The following MOK variants were observed in gnomAD, a reference collection of about 807,000 sequenced individuals.
MOK encodes the protein MAPK/MAK/MRK overlapping kinase.
MOK carries 59 observed loss-of-function variants against 54.2 expected under a neutral mutation model. That is an observed-to-expected ratio of 1.09 (90% CI 0.88 to 1.35). MOK has a LOEUF of 1.35. Ranked by LOEUF, MOK falls within the 40% of genes most tolerant of loss-of-function variation. MOK has a pLI of 0.00. For missense variants in MOK, 517 were observed against 526.2 expected, an observed-to-expected ratio of 0.98 and a Z score of 0.17; for synonymous variants, 210 against 202.7, an observed-to-expected ratio of 1.04 and a Z score of -0.31.
intron 4 of MOK, among the ~76,000 whole-genome samples, chr14:102,261,456 T>TATATATATATTC (rs2067458912): frequency 9.6e-6 from 1 of 104,002 alleles, no homozygotes; most frequent in Non-Finnish European, 1.9e-5. Flanking sequence ...TATATATATA[T>TATATATATATTC]ATTCTAAACA....
rs978275690 is a variant in MOK at position 102,232,324 on chromosome 14, G to A, written c.866+211C>T. ...ACAGCCAGCCCCTCTTTCTCCTGCC[G>A]TGGAGCTGCTAACATCCTCATTTTG... On this transcript the variant is annotated intron_variant, in intron 9 of 11. Coordinates refer to ENST00000361847, the MANE Select transcript of MOK (RefSeq NM_014226.3). This position sits in a 1 kb window ranked among gnomAD's most constrained non-coding sequence, Gnocchi z 5.1. The A allele has an allele frequency of 1.3e-4, 66 of 499,192 alleles. No homozygotes were observed. The highest frequency in any genetic ancestry group is 1.2e-3 in the African/African-American group (64 of 51,372). The allele number at this position is 499,192 out of a possible 1,614,324, so 30.9% of individuals were successfully genotyped here. A position where few individuals can be genotyped will look rare whatever the true frequency, so the allele number is the denominator to read the frequency against.
At chr14:102,226,508 G>T, downstream of MOK, 1 of 696,702 alleles carries the variant, frequency 1.4e-6, no homozygotes, top group African/African-American at 1.8e-5. This position sits in a 1 kb window ranked among gnomAD's most constrained non-coding sequence, Gnocchi z 4.8. Context: ...GGTGGCAGAG[G>T]CCCCGCCGGG....
chr14:102,222,999 G>A (rs920780741), downstream of MOK: 27 of 1,263,448 alleles, frequency 2.1e-5, no homozygotes, highest in South Asian at 1.9e-4. This position sits in a 1 kb window ranked among gnomAD's most constrained non-coding sequence, Gnocchi z 4.4. Flanking sequence ...GGTGGACGTC[G>A]GCGATAGCCG....
intron 7 of MOK, among the ~76,000 whole-genome samples, chr14:102,248,117 A>G (rs1445051900): frequency 6.6e-6 from 1 of 152,182 alleles, no homozygotes; most frequent in Non-Finnish European, 1.5e-5. Context: ...CCAGACGCCA[A>G]CGGCGCCCCT....
At chr14:102,263,839 G>C (rs2067669563) in intron 3 of MOK, 2 of 405,036 alleles carry the variant, frequency 4.9e-6, no homozygotes, top group Non-Finnish European at 8.7e-6. Flanking sequence ...CAAAATTCTA[G>C]AAGTTGAAAA....
At chr14:102,225,116 AGTG>A, downstream of MOK, 1 of 277,090 alleles carries the variant, frequency 3.6e-6, no homozygotes, top group South Asian at 3.6e-5. Context: ...GCTGGAATGA[AGTG>A]GTGCGATCAT....
chr14:102,222,738 T>G (rs574660401), downstream of MOK: 3 of 1,408,656 alleles, frequency 2.1e-6, no homozygotes, highest in African/African-American at 1.4e-5. The surrounding 1 kb of genome is among the most constrained non-coding windows in gnomAD (Gnocchi z 4.4). Flanking sequence ...AGCACCAGTT[T>G]TGACCACGTG....
chr14:102,302,814 T>G lies in MOK; in HGVS notation c.7+2148A>C, dbSNP rs573590221. Among the ~76,000 whole-genome samples, 9 of 151,388 alleles carry G rather than the reference T, an allele frequency of 5.9e-5. No homozygotes were observed. In the East Asian group the frequency reaches 1.7e-3, roughly 29 times the overall value. On this transcript the variant is annotated intron_variant, in intron 1 of 11. Coordinates refer to ENST00000361847, the MANE Select transcript of MOK (RefSeq NM_014226.3). ...CATTTATATATTTATATATAATATA[T>G]ATAGAGAGAGTAAATTACTGAAAGT...
intron 7 of MOK, among the ~76,000 whole-genome samples, chr14:102,242,167 C>T (rs1410902523): frequency 3.3e-5 from 5 of 152,180 alleles, no homozygotes; most frequent in Admixed American, 3.3e-4. Flanking sequence ...GTAACTCTTA[C>T]AGTGGAGGGT....
At chr14:102,283,402 C>T (rs1290485297) in intron 2 of MOK, 76 bp downstream of exon 2, 2 of 853,870 alleles carry the variant, frequency 2.3e-6, no homozygotes, top group East Asian at 2.5e-5. Flanking sequence ...AATAAAGCTC[C>T]CCCCTAATAT....
chr14:102,268,201 A>G (rs2068064412), intron 2 of MOK, among the ~76,000 whole-genome samples: 1 of 152,198 alleles, frequency 6.6e-6, no homozygotes. Flanking sequence ...CTTATTGTAG[A>G]TAGGATTCTT....
At chr14:102,278,094 G>A (rs2069054341) in intron 2 of MOK, among the ~76,000 whole-genome samples, 1 of 152,162 alleles carries the variant, frequency 6.6e-6, no homozygotes, top group Non-Finnish European at 1.5e-5. Context: ...AAAGCAAGAA[G>A]AGGGCCACCT....
At chr14:102,294,185 G>A (rs548001057) in intron 1 of MOK, among the ~76,000 whole-genome samples, 58 of 151,484 alleles carry the variant, frequency 3.8e-4, no homozygotes, top group Admixed American at 7.9e-4. Flanking sequence ...GGTGGCTCAT[G>A]CCTGTAATCC....
chr14:102,304,283 A>T (rs1352948266), intron 1 of MOK, among the ~76,000 whole-genome samples: 1 of 152,220 alleles, frequency 6.6e-6, no homozygotes, highest in Non-Finnish European at 1.5e-5. Flanking sequence ...TAATAATTTT[A>T]AAAACATCAT....
At chr14:102,302,115 C>T (rs1197543235) in intron 1 of MOK, among the ~76,000 whole-genome samples, 1 of 148,178 alleles carries the variant, frequency 6.7e-6, no homozygotes, top group Non-Finnish European at 1.5e-5. Flanking sequence ...CTCTGTTGCC[C>T]AGGCTGGAGT....
At chr14:102,257,566 A>C (rs1409829374) in intron 4 of MOK, among the ~76,000 whole-genome samples, 1 of 152,236 alleles carries the variant, frequency 6.6e-6, no homozygotes, top group African/African-American at 2.4e-5. Flanking sequence ...CAGCACATTT[A>C]TTCTTTAAAC....
At chr14:102,276,288 T>A (rs2153159060) in intron 2 of MOK, among the ~76,000 whole-genome samples, 1 of 151,422 alleles carries the variant, frequency 6.6e-6, no homozygotes, top group South Asian at 2.1e-4. Context: ...ATGGAGACCA[T>A]CCTGGCTAAC....
At chr14:102,278,781 G>A (rs955448582) in intron 2 of MOK, 1 of 450,296 alleles carries the variant, frequency 2.2e-6, no homozygotes, top group Non-Finnish European at 4.5e-6. Context: ...TACTGTTCAT[G>A]ACACCAGATA....
the MOK span, among the ~76,000 whole-genome samples, chr14:102,218,601 A>G: frequency 6.6e-6 from 1 of 152,224 alleles, no homozygotes; most frequent in Non-Finnish European, 1.5e-5. Flanking sequence ...CTCTTAACTT[A>G]GTATTATAAA....
Sources: gnomAD v4.1 joint callset for allele counts (sites outside exome capture counted in the v4.1 genomes callset) on GRCh38, gnomAD v4.1.1 for gene constraint, Gnocchi (gnomAD v3.1) non-coding constraint, MANE v1.5 for transcripts, NCBI Gene and HGNC (gene_info 2026-07-23, HGNC 2026-07-21) for gene names.